Variants in MAD1L1 observed in about 807,000 individuals in gnomAD.
The protein encoded by MAD1L1 is mitotic spindle assembly checkpoint protein MAD1.
MAD1L1 carries 95 observed loss-of-function variants against 96.9 expected under a neutral mutation model. The observed-to-expected ratio is 0.98, with a 90% CI of 0.83 to 1.16. MAD1L1 has a LOEUF of 1.16. Among genes scored for constraint, MAD1L1 ranks in the 50% most tolerant of loss-of-function variants. MAD1L1 has a pLI of 0.00. For missense variants in MAD1L1, 1,007 were observed against 954.4 expected (o/e 1.06, Z -0.73); for synonymous variants, 473 against 396.6 (o/e 1.19, Z -2.29).
At chr7:2,175,257 T>A (rs993105042) in intron 10 of MAD1L1, 7 of 152,092 alleles carry the variant, frequency 4.6e-5, no homozygotes, top group African/African-American at 1.7e-4. Context: ...AGCAGCCGGC[T>A]CACAACACAC....
chr7:1,983,485 G>A (rs947059640), intron 14 of MAD1L1, among the ~76,000 whole-genome samples: 5 of 152,212 alleles, frequency 3.3e-5, no homozygotes, highest in Non-Finnish European at 5.9e-5. Context: ...TCCCTAAAAC[G>A]TCATTCATTT....
chr7:1,854,413 G>A (rs1312696413), intron 18 of MAD1L1: 7 of 458,818 alleles, frequency 1.5e-5, no homozygotes, highest in Admixed American at 4.7e-5. Flanking sequence ...TAGGTGGCTC[G>A]TAAACAGAGT....
At chr7:2,085,555 C>T (rs538909987) in intron 11 of MAD1L1, among the ~76,000 whole-genome samples, 1 of 152,338 alleles carries the variant, frequency 6.6e-6, no homozygotes, top group South Asian at 2.1e-4. Context: ...CTATTCTGGG[C>T]ACTTCATATT....
chr7:2,181,304 T>C (rs775387629), intron 10 of MAD1L1, among the ~76,000 whole-genome samples: 32 of 152,418 alleles, frequency 2.1e-4, no homozygotes, highest in Non-Finnish European at 3.7e-4. Context: ...CCAGCTGTAG[T>C]TGTTTTTTAC....
chr7:1,927,279 G>T (rs1235083442), intron 17 of MAD1L1, among the ~76,000 whole-genome samples: 1 of 152,238 alleles, frequency 6.6e-6, no homozygotes, highest in African/African-American at 2.4e-5. Flanking sequence ...TGTATCGGAA[G>T]ACTCACTGCA....
At chr7:1,934,751 C>T (rs1482530723) in intron 17 of MAD1L1, among the ~76,000 whole-genome samples, 3 of 151,354 alleles carry the variant, frequency 2.0e-5, no homozygotes, top group Non-Finnish European at 4.4e-5. Context: ...TGCGCAGAGA[C>T]CCAGACAACA....
rs528884388 is a variant in MAD1L1 at position 2,161,367 on chromosome 7, G to A, written c.987-12129C>T. Among the ~76,000 whole-genome samples the A allele has an allele frequency of 6.6e-5, 10 of 152,068 alleles. No homozygotes were observed. In the South Asian group the frequency reaches 1.7e-3, roughly 25 times the overall value. ...AGTGATCTGCCAGCCTCGGCCTCCC[G>A]CGGTGCCGGGATTGCAGACGGAGTC... On this transcript the variant is annotated intron_variant, in intron 10 of 18. Transcript: ENST00000265854.
At chr7:1,951,434 G>A (rs1164350682) in intron 16 of MAD1L1, among the ~76,000 whole-genome samples, 4 of 152,148 alleles carry the variant, frequency 2.6e-5, no homozygotes, top group Admixed American at 6.5e-5. Flanking sequence ...GTGGTGAAAC[G>A]CACGTGACAG....
Position 1,947,565 on chromosome 7 carries a change from C to G in MAD1L1, c.1596+10064G>C, listed in dbSNP as rs1029445714. 7.0e-5 allele frequency among the ~76,000 whole-genome samples: 9 copies of G among 129,452 alleles called. No individual in the cohort carries two copies. The South Asian group carries it at 2.0e-3, about 29-fold the overall frequency. The allele number at this position is 129,452 out of a possible 152,430, so 84.9% of individuals were successfully genotyped here. ...CCAAGAGGCACAGGCAGAGGCCCGG[C>G]CTTCCCATCTCCTGCCCGTGGCCTT... On this transcript the variant is annotated intron_variant, in intron 16 of 18. Coordinates refer to ENST00000265854, the MANE Select transcript of MAD1L1 (RefSeq NM_001013836.2).
intron 11 of MAD1L1, among the ~76,000 whole-genome samples, chr7:2,084,848 C>A (rs1405622406): frequency 6.6e-6 from 1 of 152,160 alleles, no homozygotes; most frequent in Non-Finnish European, 1.5e-5. Flanking sequence ...TGCTCCCAAC[C>A]CTCCAGGTGA....
At chr7:1,994,157 AAAC>A (rs1317566697) in intron 14 of MAD1L1, among the ~76,000 whole-genome samples, 2 of 152,244 alleles carry the variant, frequency 1.3e-5, no homozygotes, top group African/African-American at 2.4e-5. Context: ...TAATCTGTGT[AAAC>A]AACAAGTGTG....
intron 16 of MAD1L1, among the ~76,000 whole-genome samples, chr7:1,955,550 C>G (rs909435600): frequency 2.6e-5 from 4 of 152,212 alleles, no homozygotes; most frequent in Non-Finnish European, 5.9e-5. Context: ...CTCAGCCTCC[C>G]AAAGTACTGG....
chr7:1,926,469 T>C (rs1047436465), intron 17 of MAD1L1, among the ~76,000 whole-genome samples: 1 of 152,242 alleles, frequency 6.6e-6, no homozygotes, highest in South Asian at 2.1e-4. Context: ...TGAAGATTAC[T>C]GACGATGTCA....
intron 18 of MAD1L1, among the ~76,000 whole-genome samples, chr7:1,887,278 T>C (rs116518390): frequency 0.018 from 2,733 of 151,890 alleles, 73 homozygotes; most frequent in African/African-American, 0.062. Context: ...TGCATGCATG[T>C]GTGTATGTGG....
chr7:1,974,973 C>T (rs1780568917), intron 15 of MAD1L1, among the ~76,000 whole-genome samples: 1 of 152,266 alleles, frequency 6.6e-6, no homozygotes, highest in African/African-American at 2.4e-5. Context: ...GGGGAGCGCA[C>T]CTGCCTTCAC....
intron 18 of MAD1L1, among the ~76,000 whole-genome samples, chr7:1,864,414 T>C (rs952580291): frequency 2.0e-5 from 3 of 152,178 alleles, no homozygotes; most frequent in Admixed American, 2.0e-4. Flanking sequence ...GTCCAGCCCT[T>C]CCTTTTGACT....
At chr7:2,132,236 C>T (rs1420044288) in intron 11 of MAD1L1, among the ~76,000 whole-genome samples, 1 of 152,242 alleles carries the variant, frequency 6.6e-6, no homozygotes, top group African/African-American at 2.4e-5. Flanking sequence ...CTTCAGCCCC[C>T]AGGCAGATTC....
chr7:1,953,674 C>T (rs887976082), intron 16 of MAD1L1, among the ~76,000 whole-genome samples: 3 of 152,270 alleles, frequency 2.0e-5, no homozygotes, highest in South Asian at 2.1e-4. Context: ...GGAAGCCCCG[C>T]GGCGGAACAT....
At chr7:1,946,658 G>A (rs552644114) in intron 16 of MAD1L1, among the ~76,000 whole-genome samples, 88 of 152,358 alleles carry the variant, frequency 5.8e-4, no homozygotes, top group African/African-American at 2.0e-3. Context: ...GCCGGCTGGC[G>A]GGTGCAGCGG....
Sources: allele counts gnomAD v4.1 joint callset (sites outside exome capture counted in the v4.1 genomes callset), GRCh38; gene constraint gnomAD v4.1.1; transcripts MANE v1.5; gene names NCBI Gene and HGNC (gene_info 2026-07-23, HGNC 2026-07-21).